Variants in ZNF449 observed in about 807,000 individuals in gnomAD.
The protein encoded by ZNF449 is zinc finger and SCAN domain-containing protein 19.
ZNF449 carries 4 observed loss-of-function variants against 32.6 expected under a neutral mutation model. The ratio of observed to expected loss-of-function variants is 0.12; its 90% CI spans 0.06 to 0.28. The LOEUF is 0.28. Among genes scored for constraint, ZNF449 ranks in the 10% least tolerant of loss-of-function variants. The pLI is 1.00. For synonymous variants in ZNF449, 123 were observed against 132.2 expected, an observed-to-expected ratio of 0.93 and a Z score of 0.48; for missense variants, 275 against 383.2, an observed-to-expected ratio of 0.72 and a Z score of 2.36.
Position 135,359,966 on chromosome X carries a change from G to T in ZNF449, c.634G>T (p.Asp212Tyr). The T allele has an allele frequency of 8.4e-7, 1 of 1,197,546 alleles. No homozygotes were observed. The highest frequency in any genetic ancestry group is 1.1e-6 in the Non-Finnish European group (1 of 886,378). ...REEPWVKELQ[D>Y]SKEMKQLLDS... ...AGAGCCATGGGTGAAGGAATTACAG[G>T]ATTCTAAAGAAATGAAACAATTACT... Residue 212 changes from aspartate to tyrosine, a missense_variant, in exon 4 of 5, where the codon GAT (aspartate) becomes TAT (tyrosine). Around this residue, in one of 3 missense-constraint regions of ZNF449, gnomAD observed 165 missense variants for 175.0 expected, o/e 0.94. Coordinates refer to ENST00000339249, the MANE Select transcript of ZNF449 (RefSeq NM_152695.6).
chrX:135,361,115 T>G lies in ZNF449; in HGVS notation c.*39T>G, dbSNP rs782424987. ...AAACAGGTCTTACACAAATTGACAC[T>G]AACTCAAAAAAAATCTTAACCTGCA... On this transcript the variant is annotated 3_prime_UTR_variant, in exon 5 of 5. Transcript: ENST00000339249. The G allele has an allele frequency of 5.5e-6, 6 of 1,083,815 alleles. No homozygotes were observed. In the South Asian group the frequency reaches 7.7e-5, roughly 14 times the overall value. 89.3% of individuals were successfully genotyped at this position (1,083,815 alleles called of 1,213,427 possible).
In ZNF449 at chrX:135,360,490, G is replaced by A. The variant is rs149112650; in HGVS notation, c.971G>A (p.Arg324Gln). The part of the protein sequence containing the change: ...KKKSPGEKPH[R>Q]CPQCGKCFAR... The stretch of plus-strand genomic sequence containing the variant: ...AAGAGTCCAGGAGAGAAACCTCACC[G>A]ATGTCCTCAGTGTGGAAAATGTTTT... The change falls in exon 5 of 5, where the codon CGA (arginine) becomes CAA (glutamine). Residue 324 changes from arginine to glutamine, a missense_variant. Transcript: ENST00000339249. 157 of 1,209,820 alleles carry A rather than the reference G, an allele frequency of 1.3e-4. 1 individual carries two copies. In the African/African-American group the frequency reaches 2.4e-3, roughly 19 times the overall value.
chrX:135,345,517 A>T (rs1556447770), intron 1 of ZNF449, among the ~76,000 whole-genome samples: 2 of 112,261 alleles, frequency 1.8e-5, no homozygotes, highest in Non-Finnish European at 3.8e-5. Flanking sequence ...CCTGACAAGC[A>T]ATAAACTTTA....
rs1244694845 is a variant in ZNF449 at position 135,362,156 on chromosome X, A to T, written c.*1080A>T. The stretch of plus-strand genomic sequence containing the variant: ...TATCTCCAGTTGTTTTAAGGGTGTT[A>T]TGAAAAATTCTTAAAATATATATGA... On this transcript the variant is annotated 3_prime_UTR_variant, in exon 5 of 5. Transcript: ENST00000339249. 8.9e-6 allele frequency: 1 copy of T among 111,917 alleles called. No homozygotes were observed. Among genetic ancestry groups the T allele is most frequent in the Admixed American group, 9.5e-5 (1 of 10,486 alleles). 9.2% of individuals were successfully genotyped at this position (111,917 alleles called of 1,213,427 possible). A position where few individuals can be genotyped will look rare whatever the true frequency, so the allele number is the denominator to read the frequency against.
At chrX:135,360,132 C>T (rs2084937762) in intron 4 of ZNF449, 61 bp from the exon 5 acceptor site, 1 of 1,122,444 alleles carries the variant, frequency 8.9e-7, no homozygotes, top group Non-Finnish European at 1.2e-6. Flanking sequence ...TCTTCATTTT[C>T]CTTCACTTTC....
At chrX:135,356,746 A>G (rs1305328822) in intron 3 of ZNF449, among the ~76,000 whole-genome samples, 1 of 112,072 alleles carries the variant, frequency 8.9e-6, no homozygotes, top group African/African-American at 3.2e-5. Context: ...TATTCTTACA[A>G]TAAGTAAGCT....
At chrX:135,345,040 CG>C (rs1348872541) in intron 1 of ZNF449, among the ~76,000 whole-genome samples, 3 of 113,218 alleles carry the variant, frequency 2.6e-5, no homozygotes, top group Admixed American at 1.8e-4. Context: ...CGGGCCTTCC[CG>C]GGAGTCCTTC....
intron 3 of ZNF449, among the ~76,000 whole-genome samples, chrX:135,354,476 T>G (rs1288956742): frequency 8.9e-6 from 1 of 112,043 alleles, no homozygotes; most frequent in Admixed American, 9.4e-5. Flanking sequence ...TGCAAATAAA[T>G]TGGTGACAGT....
In ZNF449 at chrX:135,353,359, G is replaced by A. The variant is rs142114589; in HGVS notation, c.559+4045G>A. ...AAAGAATACCGAAGAATTTGGGAGC[G>A]TATTTTGAATCAACCATGCCTGGAC... is the stretch of plus-strand genomic sequence containing the variant. On this transcript the variant is annotated intron_variant, in intron 3 of 4. Transcript: ENST00000339249. 1.6e-4 allele frequency among the ~76,000 whole-genome samples: 18 copies of A among 110,996 alleles called. No homozygotes were observed. The East Asian group carries it at 4.5e-3, about 28-fold the overall frequency.
chrX:135,354,024 A>T (rs1331792768), intron 3 of ZNF449, among the ~76,000 whole-genome samples: 1 of 112,319 alleles, frequency 8.9e-6, no homozygotes, highest in Non-Finnish European at 1.9e-5. Context: ...CTCAACATTG[A>T]CCCAGAAGCC....
At position 135,360,751 on chromosome X, in the gene ZNF449, A is replaced by C. The variant is rs2084942693; in HGVS notation, c.1232A>C (p.Glu411Ala). Residue 411 changes from glutamate (E) to alanine (A), a missense_variant, in exon 5 of 5, where the codon GAG (glutamate) becomes GCG (alanine). This residue lies in a region of ZNF449 where 80 missense variants were observed against 146.6 expected (regional missense o/e 0.55). Coordinates refer to ENST00000339249, the MANE Select transcript of ZNF449 (RefSeq NM_152695.6). ...HSEEETYKCL[E>A]CGKSFCHGSS... Reference sequence around the variant, plus strand: ...GAAGAAGAAACATATAAATGTCTTGAGTGTGGGAAAAGTTTTTGTCATGGA... The same window carrying C: ...GAAGAAGAAACATATAAATGTCTTGCGTGTGGGAAAAGTTTTTGTCATGGA... The C allele has an allele frequency of 1.7e-6, 2 of 1,211,474 alleles. No homozygotes were observed. Among genetic ancestry groups the C allele is most frequent in the Non-Finnish European group, 2.2e-6 (2 of 895,352 alleles).
chrX:135,355,056 C>T (rs2084909521), intron 3 of ZNF449, among the ~76,000 whole-genome samples: 2 of 110,216 alleles, frequency 1.8e-5, no homozygotes, highest in Non-Finnish European at 3.8e-5. Context: ...TCTCCTGGGC[C>T]TCCAGGCTTC....
Position 135,360,516 on chromosome X carries a change from G to T in ZNF449, c.997G>T (p.Ala333Ser). 8.3e-7 allele frequency: 1 copy of T among 1,211,449 alleles called. No individual in the cohort carries two copies. The highest frequency in any genetic ancestry group is 1.1e-6 in the Non-Finnish European group (1 of 895,341). ...HRCPQCGKCF[A>S]RKSQLTGHQR... is the part of the protein sequence containing the mutation. The stretch of plus-strand genomic sequence containing the variant: ...ATGTCCTCAGTGTGGAAAATGTTTT[G>T]CTCGGAAGTCACAACTTACTGGGCA... Residue 333 changes from alanine (A) to serine (S), a missense_variant, in exon 5 of 5, where the codon GCT (alanine) becomes TCT (serine). Transcript: ENST00000339249.
intron 3 of ZNF449, among the ~76,000 whole-genome samples, chrX:135,358,805 A>T: frequency 9.0e-6 from 1 of 111,685 alleles, no homozygotes; most frequent in Non-Finnish European, 1.9e-5. Flanking sequence ...CTTTTGATCT[A>T]TTACCTTGAA....
chrX:135,354,931 A>G (rs2084908756), intron 3 of ZNF449, among the ~76,000 whole-genome samples: 1 of 111,241 alleles, frequency 9.0e-6, no homozygotes, highest in African/African-American at 3.3e-5. Flanking sequence ...TTGAAGTGAT[A>G]TTTGATTAAA....
intron 3 of ZNF449, among the ~76,000 whole-genome samples, chrX:135,359,195 G>A (rs781949041): frequency 4.3e-4 from 48 of 111,605 alleles, no homozygotes; most frequent in Non-Finnish European, 7.7e-4. Context: ...AAGGGGCTCA[G>A]AAAAGAGGAT....
chrX:135,345,983 G>C (rs1352379643), intron 1 of ZNF449, among the ~76,000 whole-genome samples: 1 of 111,836 alleles, frequency 8.9e-6, no homozygotes, highest in Non-Finnish European at 1.9e-5. Flanking sequence ...GGAGAATATA[G>C]ATTTTGACGT....
intron 3 of ZNF449, among the ~76,000 whole-genome samples, chrX:135,351,797 T>A (rs1004692927): frequency 2.0e-4 from 22 of 111,185 alleles, no homozygotes; most frequent in African/African-American, 6.2e-4. Flanking sequence ...GTTAATTCGC[T>A]CCTTTTGTCA....
chrX:135,349,855 A>G lies in ZNF449; in HGVS notation c.559+541A>G, dbSNP rs186974118. On this transcript the variant is annotated intron_variant, in intron 3 of 4. Transcript: ENST00000339249. ...CAGGTGCATGTTTAGCAAGCTCTGC[A>G]GGTGAGTGCTACACACACTAAAGTT... 2.4e-4 allele frequency among the ~76,000 whole-genome samples: 27 copies of G among 112,014 alleles called. No individual in the cohort carries two copies. In the East Asian group the frequency reaches 6.5e-3, roughly 27 times the overall value.
Sources: allele counts gnomAD v4.1 joint callset (sites outside exome capture counted in the v4.1 genomes callset), GRCh38; gene constraint gnomAD v4.1.1; regional missense constraint gnomAD v4.1.1; transcripts MANE v1.5; gene names NCBI Gene and HGNC (gene_info 2026-07-23, HGNC 2026-07-21).